Variants in POLB observed in about 807,000 individuals in gnomAD.
The protein encoded by POLB is DNA polymerase beta.
POLB carries 37 observed loss-of-function variants against 52.7 expected under a neutral mutation model. That is an observed-to-expected ratio of 0.70 (90% CI 0.54 to 0.92). POLB has a LOEUF of 0.92. Among genes scored for constraint, POLB ranks in the 40% least tolerant of loss-of-function variants. The pLI is 0.00. For synonymous variants in POLB, 138 were observed against 131.3 expected, an observed-to-expected ratio of 1.05 and a Z score of -0.35; for missense variants, 313 against 400.8, an observed-to-expected ratio of 0.78 and a Z score of 1.87.
At chr8:42,361,560 G>A (rs1585907956) in intron 10 of POLB, 195 bp downstream of exon 10, 1 of 571,368 alleles carries the variant, frequency 1.8e-6, no homozygotes, top group Admixed American at 3.2e-5. Flanking sequence ...ATGAGTTGCT[G>A]GGAGGACAGT....
rs370325713 is a variant in POLB, at chr8:42,370,007, A to G, written c.913+19A>G. On this transcript the variant is annotated intron_variant, in intron 13 of 13. Coordinates refer to ENST00000265421, the MANE Select transcript of POLB (RefSeq NM_002690.3). ...GTCACTGGTGAGTGTCCATGTGTGTATTAGAGATCATCTCTCATCTGGAGA... is the reference window on the plus strand; with the variant it reads ...GTCACTGGTGAGTGTCCATGTGTGTGTTAGAGATCATCTCTCATCTGGAGA... 3.5e-5 allele frequency: 56 copies of G among 1,586,660 alleles called. No individual in the cohort carries two copies. The highest frequency in any genetic ancestry group is 4.8e-5 in the Non-Finnish European group (56 of 1,155,390).
chr8:42,360,878 C>T (rs3136765), intron 9 of POLB, among the ~76,000 whole-genome samples: 5,073 of 152,144 alleles, frequency 0.033, 96 homozygotes, highest in Non-Finnish European at 0.039. Context: ...CCACCGTGCC[C>T]GGCTGAAATG....
rs561350065 is a variant in POLB, at chr8:42,353,081, A to G, written c.370+513A>G. Among the ~76,000 whole-genome samples, 13 of 152,062 alleles carry G rather than the reference A, an allele frequency of 8.5e-5. No individual in the cohort carries two copies. The South Asian group carries it at 2.7e-3, about 32-fold the overall frequency. On this transcript the variant is annotated intron_variant, in intron 6 of 13. Coordinates refer to ENST00000265421, the MANE Select transcript of POLB (RefSeq NM_002690.3). ...AGAGTAAGACTCTGTCTCAAAAAAA[A>G]AAAGAAGAAGACCAAGAACCAACCT...
At position 42,343,137 on chromosome 8, in the gene POLB, A is replaced by G. The variant is rs377195097; in HGVS notation, c.120-1816A>G. On this transcript the variant is annotated intron_variant, in intron 2 of 13. Coordinates refer to ENST00000265421, the MANE Select transcript of POLB (RefSeq NM_002690.3). ...GGAGATCGAGACCATCCTGGCTAAC[A>G]TGGTGAAACCCCGTCTTTACTAAAA... Among the ~76,000 whole-genome samples, 6 of 151,668 alleles carry G rather than the reference A, an allele frequency of 4.0e-5. No homozygotes were observed. The East Asian group carries it at 9.7e-4, about 25-fold the overall frequency.
Position 42,350,015 on chromosome 8 carries a change from G to A in POLB, c.270G>A (p.Gln90=). 1.9e-6 allele frequency: 3 copies of A among 1,606,008 alleles called. No homozygotes were observed. Among genetic ancestry groups the A allele is most frequent in the Non-Finnish European group, 2.6e-6 (3 of 1,172,802 alleles). Reference sequence around the variant, plus strand: ...TTTTTTTTTTCTTAAAGATTCGGCAGGATGATACGAGTTCATCCATCAATT... The same window carrying A: ...TTTTTTTTTTCTTAAAGATTCGGCAAGATGATACGAGTTCATCCATCAATT... ...GKLRKLEKIR[Q]DDTSSSINFL... is the part of the protein sequence containing the mutation. Residue 90 remains glutamine, a synonymous_variant, in exon 5 of 14, where the codon CAG becomes CAA. Transcript: ENST00000265421.
rs187849279 is a variant in POLB, at chr8:42,367,013, T to C, written c.709-2258T>C. Among the ~76,000 whole-genome samples, 187 of 152,094 alleles carry C rather than the reference T, an allele frequency of 1.2e-3. 1 individual carries two copies. Among genetic ancestry groups the C allele is most frequent in the Middle Eastern group, 6.8e-3 (2 of 294 alleles). ...GGCAGGTGACCTGGTAAGGGTTAGA[T>C]TGGGGAACAAAAGAAGGGATAGAAA... On this transcript the variant is annotated intron_variant, in intron 11 of 13. Coordinates refer to ENST00000265421, the MANE Select transcript of POLB (RefSeq NM_002690.3).
chr8:42,351,774 A>G (rs1202227202), intron 5 of POLB, among the ~76,000 whole-genome samples: 6 of 152,218 alleles, frequency 3.9e-5, no homozygotes, highest in Non-Finnish European at 8.8e-5. Context: ...GTCCTCTAAT[A>G]GCTTTCCATT....
chr8:42,357,956 GC>G (rs1823428463), intron 9 of POLB: 1 of 151,894 alleles, frequency 6.6e-6, no homozygotes, highest in Admixed American at 6.6e-5. Flanking sequence ...CAATCTCTTG[GC>G]CTCGTGATCC....
rs1253267532 is a variant in POLB, at chr8:42,370,218, A to G, written c.913+230A>G. On this transcript the variant is annotated intron_variant, in intron 13 of 13. Transcript: ENST00000265421. ...TTCCAGCTTTGTTAAAATGGATTAA[A>G]TCCTTGCATGCTCAGTAAAATATCT... 9.5e-6 allele frequency: 6 copies of G among 631,524 alleles called. No homozygotes were observed. In the Admixed American group the frequency reaches 1.3e-4, roughly 13 times the overall value. 39.1% of individuals were successfully genotyped at this position (631,524 alleles called of 1,614,324 possible). A position where few individuals can be genotyped will look rare whatever the true frequency, so the allele number is the denominator to read the frequency against.
At chr8:42,370,868 T>C (rs1238771295) in intron 13 of POLB, among the ~76,000 whole-genome samples, 1 of 152,222 alleles carries the variant, frequency 6.6e-6, no homozygotes, top group Admixed American at 6.5e-5. Flanking sequence ...ACATTCAAAG[T>C]GGAGCTGGGC....
intron 10 of POLB, chr8:42,361,723 G>A (rs183921912): frequency 1.1e-5 from 2 of 177,848 alleles, no homozygotes; most frequent in East Asian, 1.6e-4. Context: ...AACCTGTGAA[G>A]GCAAAACATT....
chr8:42,342,484 A>T, intron 2 of POLB: 1 of 1,060,902 alleles, frequency 9.4e-7, no homozygotes, highest in Non-Finnish European at 1.4e-6. Context: ...ATGAACTATC[A>T]TCCTCTATTT....
chr8:42,346,070 C>T (rs1013562765), intron 3 of POLB, among the ~76,000 whole-genome samples: 3 of 152,120 alleles, frequency 2.0e-5, no homozygotes, highest in East Asian at 1.9e-4. Flanking sequence ...TACAGGCATG[C>T]GCCACCATGC....
At chr8:42,367,772 A>G (rs1327837308) in intron 11 of POLB, among the ~76,000 whole-genome samples, 1 of 152,162 alleles carries the variant, frequency 6.6e-6, no homozygotes, top group East Asian at 1.9e-4. Context: ...GAGCTATACT[A>G]TATTCCTGTG....
At chr8:42,343,345 A>AAATATAT (rs1554531633) in intron 2 of POLB, among the ~76,000 whole-genome samples, 2 of 33,056 alleles carry the variant, frequency 6.1e-5, no homozygotes, top group African/African-American at 1.2e-4. Flanking sequence ...AAAAAAAAAA[A>AAATATAT]ATATATATAT....
At chr8:42,361,670 T>C (rs1364139173) in intron 10 of POLB, 1 of 215,524 alleles carries the variant, frequency 4.6e-6, no homozygotes, top group Admixed American at 5.4e-5. Flanking sequence ...TTTCATTAAA[T>C]TTTATCTTAA....
chr8:42,357,585 A>G (rs1280370468), intron 9 of POLB, 193 bp downstream of exon 9: 2 of 471,150 alleles, frequency 4.2e-6, no homozygotes, highest in African/African-American at 4.0e-5. Flanking sequence ...ATTTTATTAT[A>G]GGATGATATT....
chr8:42,351,465 G>C (rs953074888), intron 5 of POLB, among the ~76,000 whole-genome samples: 1 of 152,186 alleles, frequency 6.6e-6, no homozygotes, highest in African/African-American at 2.4e-5. Flanking sequence ...ATTTCTTTCT[G>C]TTCACCGCTC....
intron 2 of POLB, among the ~76,000 whole-genome samples, chr8:42,343,516 C>CAA (rs11405665): frequency 4.8e-5 from 7 of 144,578 alleles, no homozygotes; most frequent in Admixed American, 7.0e-5. Flanking sequence ...GACTCCATCT[C>CAA]AAAAAAAAAG....
Sources: gnomAD v4.1 joint callset for allele counts (sites outside exome capture counted in the v4.1 genomes callset) on GRCh38, gnomAD v4.1.1 for gene constraint, MANE v1.5 for transcripts, NCBI Gene and HGNC (gene_info 2026-07-23, HGNC 2026-07-21) for gene names.